ADGRE2: variants seen among roughly 807,000 people sequenced by gnomAD.
The protein encoded by ADGRE2 is adhesion G protein-coupled receptor E2, also known as CD97 antigen.
ADGRE2 carries 83 observed loss-of-function variants against 100.8 expected under a neutral mutation model. The observed-to-expected ratio is 0.82, with a 90% CI of 0.69 to 0.99. The LOEUF (loss-of-function observed/expected upper bound fraction) is 0.99. ADGRE2 is among the 50% of genes least tolerant of loss of function. The pLI, the probability that ADGRE2 is intolerant of heterozygous loss-of-function variation, is 0.00. For synonymous variants in ADGRE2, 355 were observed against 413.0 expected, an observed-to-expected ratio of 0.86 and a Z score of 1.70; for missense variants, 814 against 1,035.7, an observed-to-expected ratio of 0.79 and a Z score of 2.94.
At chr19:14,725,102 T>C in the ADGRE2 span, among the ~76,000 whole-genome samples, 6 of 152,196 alleles carry the variant, frequency 3.9e-5, no homozygotes, top group East Asian at 1.2e-3. Context: ...AAGCTCACAA[T>C]CATGGCAAAA....
rs35861940 is a variant in ADGRE2 at position 14,755,271 on chromosome 19, TAAAAA to T, written c.1417-149_1417-145del. On this transcript the variant is annotated intron_variant, in intron 13 of 20. Coordinates refer to ENST00000315576, the MANE Select transcript of ADGRE2 (RefSeq NM_013447.4). ...CAACATGGTGAAACCCCATCTCTAC[TAAAAA>T]AAAAAAAAAAAAAAAAAAATACAAA... 317 of 371,972 alleles carry T rather than the reference TAAAAA, an allele frequency of 8.5e-4. No homozygotes were observed. In the African/African-American group the frequency reaches 0.01, roughly 12 times the overall value. 23.0% of individuals were successfully genotyped at this position (371,972 alleles called of 1,614,324 possible).
chr19:14,767,532 C>A (rs2044037831), intron 5 of ADGRE2, among the ~76,000 whole-genome samples: 1 of 152,178 alleles, frequency 6.6e-6, no homozygotes, highest in Non-Finnish European at 1.5e-5. Context: ...AGCCACCATG[C>A]CTGGCCATCT....
chr19:14,753,567 G>A (rs1279120907), intron 14 of ADGRE2, among the ~76,000 whole-genome samples: 2 of 152,100 alleles, frequency 1.3e-5, no homozygotes, highest in Admixed American at 1.3e-4. Flanking sequence ...GCCGAGGCGG[G>A]TGGATTACTT....
chr19:14,764,324 G>T, intron 11 of ADGRE2, 109 bp downstream of exon 11: 1 of 937,334 alleles, frequency 1.1e-6, no homozygotes, highest in Non-Finnish European at 1.7e-6. Context: ...GTTTGTCGAT[G>T]AGAGTAACAC....
In ADGRE2 at chr19:14,743,745, CAGG is replaced by C; in HGVS notation, c.2220_2222del (p.Ile740_Leu741delinsMet). 2 of 1,614,168 alleles carry C rather than the reference CAGG, an allele frequency of 1.2e-6. No individual in the cohort carries two copies. Among genetic ancestry groups the C allele is most frequent in the Non-Finnish European group, 1.7e-6 (2 of 1,180,026 alleles). ...AGATGCCCAGACACCACGTGCAGCC[CAGG>C]ATGAACAGCTGAGCTGTCGCTTTAA... On this transcript the variant is annotated inframe_deletion, in exon 19 of 21. Transcript: ENST00000315576.
At position 14,766,362 on chromosome 19, in the gene ADGRE2, G is replaced by A. The variant is rs748645336; in HGVS notation, c.507C>T (p.Ser169=). Residue 169 remains serine, a synonymous_variant, in exon 7 of 21, where the codon TCC becomes TCT. Coordinates refer to ENST00000315576, the MANE Select transcript of ADGRE2 (RefSeq NM_013447.4). ...TGGAGCTGTGGCATGGGTTTTGTCC[G>A]GAGGTGCATTCATTCACATCTGAGG... ...KLCTDVNECT[S]GQNPCHSSTH... The A allele has an allele frequency of 3.1e-5, 50 of 1,613,792 alleles. No individual in the cohort carries two copies. In the African/African-American group the frequency reaches 3.3e-4, roughly 11 times the overall value.
intron 11 of ADGRE2, among the ~76,000 whole-genome samples, chr19:14,757,090 A>G (rs902005109): frequency 1.3e-5 from 2 of 151,944 alleles, no homozygotes; most frequent in Non-Finnish European, 2.9e-5. Flanking sequence ...TTTTGTGGAG[A>G]TCATGTTTCA....
rs116784687 is a variant in ADGRE2, at chr19:14,772,175, C to T, written c.355+167G>A. 356 of 963,562 alleles carry T rather than the reference C, an allele frequency of 3.7e-4. 4 individuals are homozygous for T. In the South Asian group the frequency reaches 4.3e-3, roughly 12 times the overall value. The allele number at this position is 963,562 out of a possible 1,614,324, so 59.7% of individuals were successfully genotyped here. ...GAGTTTTCCCTTGGCCTTCACACCA[C>T]GCTGCCTCTCTGGGCTGGCGAAACA... On this transcript the variant is annotated intron_variant, in intron 5 of 20. Transcript: ENST00000315576.
the ADGRE2 span, among the ~76,000 whole-genome samples, chr19:14,725,548 CAT>C: frequency 1.3e-5 from 2 of 152,190 alleles, no homozygotes; most frequent in African/African-American, 4.8e-5. Flanking sequence ...AAATCAAAGA[CAT>C]GTTATTTACT....
intron 5 of ADGRE2, among the ~76,000 whole-genome samples, chr19:14,769,309 C>T (rs112658585): frequency 2.6e-5 from 4 of 152,134 alleles, no homozygotes; most frequent in Non-Finnish European, 4.4e-5. Flanking sequence ...GGAAGTGACC[C>T]TCTGTGGAGG....
rs953292009 is a variant in ADGRE2, at chr19:14,765,342, C to G, written c.884G>C (p.Gly295Ala). 3.7e-6 allele frequency: 6 copies of G among 1,614,130 alleles called. No individual in the cohort carries two copies. Among genetic ancestry groups the G allele is most frequent in the African/African-American group, 2.7e-5 (2 of 75,060 alleles). The change falls in exon 10 of 21, where the codon GGC (glycine) becomes GCC (alanine). Residue 295 changes from glycine (G) to alanine (A), a missense_variant. Coordinates refer to ENST00000315576, the MANE Select transcript of ADGRE2 (RefSeq NM_013447.4). ...VQDLGRDYKPGLANNTIQSIL... is the reference protein window; with the variant it reads ...VQDLGRDYKPALANNTIQSIL... ...TACCTGGATGGTGTTATTGGCCAAGCCTGGCTTGTAGTCTCTGCCCAGGTC... is the reference window on the plus strand; with the variant it reads ...TACCTGGATGGTGTTATTGGCCAAGGCTGGCTTGTAGTCTCTGCCCAGGTC...
At chr19:14,771,826 A>C (rs1348534923) in intron 5 of ADGRE2, 1 of 152,852 alleles carries the variant, frequency 6.5e-6, no homozygotes, top group East Asian at 1.9e-4. Flanking sequence ...CTTTTAGTAG[A>C]GACAGGGTTT....
chr19:14,749,071 TATA>T (rs986295236), intron 16 of ADGRE2, among the ~76,000 whole-genome samples: 5 of 151,332 alleles, frequency 3.3e-5, no homozygotes, highest in Admixed American at 6.6e-5. Context: ...TATGTAATCA[TATA>T]ATTATAAGAT....
chr19:14,754,886 C>T, intron 14 of ADGRE2, 68 bp downstream of exon 14: 1 of 1,551,138 alleles, frequency 6.4e-7, no homozygotes, highest in Non-Finnish European at 8.8e-7. Flanking sequence ...TTTTAAAAGG[C>T]TGCTACGTCT....
chr19:14,760,864 T>TA (rs2043693103), intron 11 of ADGRE2, among the ~76,000 whole-genome samples: 1 of 152,210 alleles, frequency 6.6e-6, no homozygotes, highest in African/African-American at 2.4e-5. Flanking sequence ...TGAAGCCTGA[T>TA]ACCTGAAGAG....
chr19:14,776,878 G>A lies in ADGRE2; in HGVS notation c.-122C>T. 2.0e-6 allele frequency: 3 copies of A among 1,534,346 alleles called. No individual in the cohort carries two copies. The highest frequency in any genetic ancestry group is 1.2e-5 in the South Asian group (1 of 83,094). On this transcript the variant is annotated 5_prime_UTR_variant, in exon 2 of 21. Coordinates refer to ENST00000315576, the MANE Select transcript of ADGRE2 (RefSeq NM_013447.4). The stretch of plus-strand genomic sequence containing the variant: ...CGAGGCCAGGACTTTATAAAGGAGG[G>A]GGGGCGGACAGCCGCTGGCCCAGGG...
intron 12 of ADGRE2, 151 bp from the exon 13 acceptor site, chr19:14,756,028 A>T: frequency 1.3e-6 from 1 of 768,814 alleles, no homozygotes; most frequent in Non-Finnish European, 2.1e-6. Context: ...CTTTAGTTCT[A>T]TGTGTATCAC....
chr19:14,759,503 A>ATATATATATATATATATATATATATAT (rs60789454), intron 11 of ADGRE2, among the ~76,000 whole-genome samples: 36 of 133,354 alleles, frequency 2.7e-4, no homozygotes, highest in African/African-American at 1.1e-3. Flanking sequence ...ATATATATAT[A>ATATATATATATATATATATATATATAT]TTTTTTTTTT....
intron 2 of ADGRE2, among the ~76,000 whole-genome samples, chr19:14,776,064 C>A (rs1108016): frequency 0.59 from 88,560 of 151,346 alleles, 26,288 homozygotes; most frequent in African/African-American, 0.66. Context: ...GTGCATGTGG[C>A]GCTGCGGTTC....
Sources: gnomAD v4.1 joint callset for allele counts (sites outside exome capture counted in the v4.1 genomes callset) on GRCh38, gnomAD v4.1.1 for gene constraint, MANE v1.5 for transcripts, NCBI Gene and HGNC (gene_info 2026-07-23, HGNC 2026-07-21) for gene names.